The following LRP1B variants were observed in gnomAD, a reference collection of about 807,000 sequenced individuals.
LRP1B encodes the protein LDL receptor related protein 1B, also known as low-density lipoprotein receptor-related protein 1B.
A neutral mutation model predicts 556.6 loss-of-function variants in LRP1B; 217 were observed. The ratio of observed to expected loss-of-function variants is 0.39; its 90% CI spans 0.35 to 0.44. The LOEUF is 0.44. LRP1B is among the 20% of genes least tolerant of loss of function. The pLI is 1.00. For missense variants in LRP1B, 5,053 were observed against 5,620.8 expected (o/e 0.90, Z 3.23); for synonymous variants, 2,047 against 1,865.8 (o/e 1.10, Z -2.50).
chr2:141,180,347 TAAA>T lies in LRP1B; in HGVS notation c.1013+8071_1013+8073del, dbSNP rs3063854. On this transcript the variant is annotated intron_variant, in intron 7 of 90. Transcript: ENST00000389484. ...ATCTGCTTGTTTTCATAGAACTCCA[TAAA>T]AAAAAAAACAACTAGAAATAATTTT... is the stretch of plus-strand genomic sequence containing the variant. Among the ~76,000 whole-genome samples, 6 of 147,096 alleles carry T rather than the reference TAAA, an allele frequency of 4.1e-5. 1 individual carries two copies. The highest frequency in any genetic ancestry group is 3.4e-4 in the Admixed American group (5 of 14,592).
At chr2:140,923,275 A>C in intron 20 of LRP1B, 128 bp from the exon 21 acceptor site, 1 of 635,140 alleles carries the variant, frequency 1.6e-6, no homozygotes, top group East Asian at 2.8e-5. Flanking sequence ...TGCTAGAGAG[A>C]ATACATTTTT....
chr2:141,333,662 A>G (rs2714189), intron 3 of LRP1B, among the ~76,000 whole-genome samples: 88,320 of 152,086 alleles, frequency 0.58, 26,583 homozygotes, highest in African/African-American at 0.68. Context: ...TTAAAGTGAA[A>G]CTAAAATAGT....
At chr2:142,049,918 A>C (rs1214241443) in intron 1 of LRP1B, among the ~76,000 whole-genome samples, 2 of 152,158 alleles carry the variant, frequency 1.3e-5, no homozygotes, top group Non-Finnish European at 2.9e-5. Context: ...TTTACAGAGT[A>C]AAAGTAAATA....
intron 3 of LRP1B, among the ~76,000 whole-genome samples, chr2:141,348,275 G>C (rs1024204732): frequency 6.6e-6 from 1 of 151,974 alleles, no homozygotes; most frequent in Non-Finnish European, 1.5e-5. Flanking sequence ...GGTGGAAGAA[G>C]GGGAACTTAG....
At chr2:141,240,602 G>A (rs548802551) in intron 5 of LRP1B, among the ~76,000 whole-genome samples, 2 of 151,778 alleles carry the variant, frequency 1.3e-5, no homozygotes, top group Non-Finnish European at 2.9e-5. Flanking sequence ...AGAGTTAATT[G>A]TAGAGGGTGA....
rs181846716 is a variant in LRP1B at position 141,186,519 on chromosome 2, T to C, written c.1013+1902A>G. On this transcript the variant is annotated intron_variant, in intron 7 of 90. Transcript: ENST00000389484. ...GTGTTCTGTGGCAACCAGGCCTGTA[T>C]TTATAAAAGAGTTGAGCATTTCCTT... 9.9e-5 allele frequency among the ~76,000 whole-genome samples: 15 copies of C among 152,192 alleles called. No homozygotes were observed. In the East Asian group the frequency reaches 2.7e-3, roughly 28 times the overall value.
intron 2 of LRP1B, among the ~76,000 whole-genome samples, chr2:141,808,632 G>A (rs1307927679): frequency 6.6e-6 from 1 of 151,948 alleles, no homozygotes; most frequent in South Asian, 2.1e-4. Context: ...ACATTCCCAT[G>A]TTTAAAACAT....
chr2:140,766,625 G>A (rs1338140507), intron 35 of LRP1B, among the ~76,000 whole-genome samples: 1 of 150,884 alleles, frequency 6.6e-6, no homozygotes, highest in Admixed American at 6.6e-5. Context: ...ACAGACTGAT[G>A]ATGATGATGA....
chr2:140,748,841 CATGTATATA>C (rs1688469673), intron 35 of LRP1B, among the ~76,000 whole-genome samples: 1 of 129,802 alleles, frequency 7.7e-6, no homozygotes, highest in Non-Finnish European at 1.6e-5. Flanking sequence ...ATATTATATA[CATGTATATA>C]ATATATATAC....
intron 7 of LRP1B, among the ~76,000 whole-genome samples, chr2:141,068,613 G>T (rs978265688): frequency 1.3e-4 from 19 of 150,704 alleles, no homozygotes; most frequent in African/African-American, 4.6e-4. Context: ...CATGCCTAGT[G>T]CCAGGTAGTT....
At chr2:141,033,515 C>T (rs952745242) in intron 11 of LRP1B, among the ~76,000 whole-genome samples, 1 of 148,128 alleles carries the variant, frequency 6.8e-6, no homozygotes, top group Non-Finnish European at 1.5e-5. Context: ...TAAACATCTG[C>T]TATGGACTGA....
chr2:140,601,689 T>A (rs2105200053), intron 41 of LRP1B, 50 bp from the exon 42 acceptor site: 1 of 1,364,568 alleles, frequency 7.3e-7, no homozygotes, highest in Non-Finnish European at 9.9e-7. Flanking sequence ...TACAAAAAAA[T>A]GACTTCTGGA....
intron 1 of LRP1B, among the ~76,000 whole-genome samples, chr2:142,094,389 T>C (rs1383558856): frequency 2.0e-5 from 3 of 152,046 alleles, no homozygotes; most frequent in Non-Finnish European, 1.5e-5. Flanking sequence ...TATAAGACGG[T>C]AATGGATTAT....
intron 1 of LRP1B, among the ~76,000 whole-genome samples, chr2:142,023,514 GTTCTTTGGTCCA>G (rs1272219282): frequency 3.9e-5 from 6 of 152,174 alleles, no homozygotes; most frequent in Non-Finnish European, 7.3e-5. Context: ...CGGTAAATGT[GTTCTTTGGTCCA>G]TTCTTCGAGG....
intron 1 of LRP1B, among the ~76,000 whole-genome samples, chr2:141,950,887 A>G (rs1231213599): frequency 6.6e-6 from 1 of 152,186 alleles, no homozygotes; most frequent in African/African-American, 2.4e-5. Flanking sequence ...AATCTTTGAT[A>G]AACAAAGAAA....
At chr2:141,336,631 T>C (rs1437308082) in intron 3 of LRP1B, among the ~76,000 whole-genome samples, 2 of 152,228 alleles carry the variant, frequency 1.3e-5, no homozygotes, top group Non-Finnish European at 2.9e-5. Flanking sequence ...CACGTATAGA[T>C]TGATGTAACC....
At chr2:141,576,078 C>T (rs1030428134) in intron 2 of LRP1B, among the ~76,000 whole-genome samples, 2 of 152,214 alleles carry the variant, frequency 1.3e-5, no homozygotes, top group African/African-American at 4.8e-5. Context: ...TTTGACCCAG[C>T]AACCCCATTA....
chr2:141,482,193 T>A (rs1396457915), intron 2 of LRP1B, among the ~76,000 whole-genome samples: 1 of 152,142 alleles, frequency 6.6e-6, no homozygotes, highest in Non-Finnish European at 1.5e-5. Flanking sequence ...TTGCCAAAAG[T>A]TAAATATAAT....
intron 84 of LRP1B, among the ~76,000 whole-genome samples, chr2:140,281,224 T>C (rs1682900082): frequency 6.6e-6 from 1 of 151,964 alleles, no homozygotes; most frequent in Non-Finnish European, 1.5e-5. Context: ...TGCGTGTATG[T>C]GCAAATGCAC....
Sources: allele counts gnomAD v4.1 joint callset (sites outside exome capture counted in the v4.1 genomes callset), GRCh38; gene constraint gnomAD v4.1.1; transcripts MANE v1.5; gene names NCBI Gene and HGNC (gene_info 2026-07-23, HGNC 2026-07-21).